The following SLC22A4 variants were observed in gnomAD, a reference collection of about 807,000 sequenced individuals.
The protein encoded by SLC22A4 is solute carrier family 22 member 4.
In SLC22A4, 39 loss-of-function variants were observed where a neutral mutation model predicts 56.6. That is an observed-to-expected ratio of 0.69 (90% CI 0.53 to 0.90). The LOEUF (loss-of-function observed/expected upper bound fraction) is 0.90. Among genes scored for constraint, SLC22A4 ranks in the 40% least tolerant of loss-of-function variants. The pLI, the probability that SLC22A4 is intolerant of heterozygous loss-of-function variation, is 0.00. For missense variants in SLC22A4, 594 were observed against 696.5 expected, an observed-to-expected ratio of 0.85 and a Z score of 1.66; for synonymous variants, 241 against 281.4, an observed-to-expected ratio of 0.86 and a Z score of 1.44.
chr5:132,299,471 G>C (rs1032413525), intron 1 of SLC22A4, among the ~76,000 whole-genome samples: 2 of 151,692 alleles, frequency 1.3e-5, no homozygotes, highest in Non-Finnish European at 2.9e-5. Flanking sequence ...TTGTTGCCCA[G>C]GGTGGAGGAG....
chr5:132,300,052 C>G (rs1749875769), intron 1 of SLC22A4, among the ~76,000 whole-genome samples: 1 of 152,170 alleles, frequency 6.6e-6, no homozygotes, highest in Admixed American at 6.5e-5. Context: ...GTGATTGTTC[C>G]TTAGTCTTTC....
chr5:132,305,123 T>A (rs988781251), intron 1 of SLC22A4, among the ~76,000 whole-genome samples: 1 of 152,052 alleles, frequency 6.6e-6, no homozygotes, highest in African/African-American at 2.4e-5. Context: ...AGTAAAAGTA[T>A]ACAATAATTG....
At chr5:132,328,479 C>A (rs897560441) in intron 5 of SLC22A4, among the ~76,000 whole-genome samples, 2 of 152,158 alleles carry the variant, frequency 1.3e-5, no homozygotes, top group African/African-American at 4.8e-5. Context: ...TGGCCATGAA[C>A]TCAAGCTCTC....
At chr5:132,340,088 T>C in intron 8 of SLC22A4, among the ~76,000 whole-genome samples, 1 of 90,620 alleles carries the variant, frequency 1.1e-5, no homozygotes, top group East Asian at 2.8e-4. Flanking sequence ...TTTTTTTTTT[T>C]TGAGTCTCAT....
At chr5:132,310,887 G>A (rs1396196533) in intron 1 of SLC22A4, among the ~76,000 whole-genome samples, 4 of 152,170 alleles carry the variant, frequency 2.6e-5, no homozygotes, top group Admixed American at 6.5e-5. Flanking sequence ...AGCCAGTTTT[G>A]GAGCCCCGTC....
At chr5:132,324,372 C>T in intron 4 of SLC22A4, 1 of 381,942 alleles carries the variant, frequency 2.6e-6, no homozygotes, top group Non-Finnish European at 5.3e-6. Flanking sequence ...CCTCCAGAGT[C>T]AGCCTCCAGA....
intron 8 of SLC22A4, among the ~76,000 whole-genome samples, chr5:132,339,514 G>A (rs3805678): frequency 0.088 from 11,612 of 132,116 alleles, 569 homozygotes; most frequent in East Asian, 0.32. Context: ...CTGAAAACAT[G>A]TATGAATTCT....
At position 132,334,779 on chromosome 5, in the gene SLC22A4, G is replaced by C; in HGVS notation, c.1108G>C (p.Ala370Pro). Residue 370 changes from alanine to proline, a missense_variant, in exon 7 of 10, where the codon GCC becomes CCC. Ala to Pro is a conservative substitution (Grantham distance 27). Transcript: ENST00000200652. ...SLDAPNLHGD[A>P]YLNCFLSALI... Reference sequence around the variant, plus strand: ...GGATGCTCCTAATTTACATGGAGATGCCTACCTGAACTGTTTCCTCTCTGC... The same window carrying C: ...GGATGCTCCTAATTTACATGGAGATCCCTACCTGAACTGTTTCCTCTCTGC... The C allele has an allele frequency of 3.1e-6, 5 of 1,614,086 alleles. No individual in the cohort carries two copies. The highest frequency in any genetic ancestry group is 4.2e-6 in the Non-Finnish European group (5 of 1,179,948).
chr5:132,313,659 T>C lies in SLC22A4; in HGVS notation c.543T>C (p.Thr181=), dbSNP rs2126712463. 6.2e-7 allele frequency: 1 copy of C among 1,614,216 alleles called. No homozygotes were observed. The highest frequency in any genetic ancestry group is 1.3e-5 in the African/African-American group (1 of 75,074). ...NVLFATMAVQ[T]GFSFLQIFSI... ...TCTTCGCAACCATGGCTGTACAGAC[T>C]GGCTTCAGCTTCCTGCAGATTTTCT... is the stretch of plus-strand genomic sequence containing the variant. The change falls in exon 3 of 10, where the codon ACT becomes ACC. Residue 181 remains threonine, a synonymous_variant. Transcript: ENST00000200652.
At chr5:132,321,571 G>A (rs1750538749) in intron 3 of SLC22A4, among the ~76,000 whole-genome samples, 1 of 152,178 alleles carries the variant, frequency 6.6e-6, no homozygotes, top group Non-Finnish European at 1.5e-5. Context: ...GAAGGGATTA[G>A]CTCTTGGGGC....
intron 1 of SLC22A4, among the ~76,000 whole-genome samples, chr5:132,308,372 ATTTTTTTTTTT>A (rs56259514): frequency 2.1e-4 from 13 of 61,300 alleles, no homozygotes; most frequent in Non-Finnish European, 3.2e-4. Flanking sequence ...TGATTAAGCA[ATTTTTTTTTTT>A]TTTTTTTTTT....
At chr5:132,319,119 T>C (rs1234730825) in intron 3 of SLC22A4, among the ~76,000 whole-genome samples, 4 of 151,938 alleles carry the variant, frequency 2.6e-5, no homozygotes, top group Non-Finnish European at 5.9e-5. Context: ...CTGGCCAACA[T>C]GGCAAAACCC....
intron 8 of SLC22A4, among the ~76,000 whole-genome samples, chr5:132,337,499 A>C (rs1751062339): frequency 1.3e-5 from 2 of 150,112 alleles, no homozygotes; most frequent in African/African-American, 4.9e-5. Context: ...CTGGTTTCGA[A>C]CTCCTGGGCT....
At position 132,334,864 on chromosome 5, in the gene SLC22A4, G is replaced by A. The variant is rs769756304; in HGVS notation, c.1193G>A (p.Arg398His). The A allele has an allele frequency of 2.5e-5, 40 of 1,613,828 alleles. No homozygotes were observed. Among genetic ancestry groups the A allele is most frequent in the South Asian group, 9.9e-5 (9 of 91,086 alleles). The change falls in exon 7 of 10, where the codon CGT becomes CAT. Residue 398 changes from arginine to histidine, a missense_variant. Coordinates refer to ENST00000200652, the MANE Select transcript of SLC22A4 (RefSeq NM_003059.3). Reference protein sequence around the residue: ...AWLLLRTLPRRYIIAAVLFWG... With the variant: ...AWLLLRTLPRHYIIAAVLFWG... Reference sequence around the variant, plus strand: ...CTGCTATTGCGAACCCTGCCCAGGCGTTATATCATAGCTGCAGTACTGTTC... The same window carrying A: ...CTGCTATTGCGAACCCTGCCCAGGCATTATATCATAGCTGCAGTACTGTTC...
At position 132,335,913 on chromosome 5, in the gene SLC22A4, C is replaced by G. The variant is rs772915647; in HGVS notation, c.1357C>G (p.Pro453Ala). 3.7e-6 allele frequency: 6 copies of G among 1,614,130 alleles called. No individual in the cohort carries two copies. Among genetic ancestry groups the G allele is most frequent in the Non-Finnish European group, 5.1e-6 (6 of 1,180,004 alleles). ...MLYVFTAELYPTLVRNMAVGV... is the reference protein window; with the variant it reads ...MLYVFTAELYATLVRNMAVGV... ...GTATGTCTTCACTGCTGAGCTCTAC[C>G]CAACCCTGGTCAGGAACATGGCGGT... Residue 453 changes from proline to alanine, a missense_variant, in exon 8 of 10, where the codon CCA (proline) becomes GCA (alanine). Transcript: ENST00000200652.
rs1554083301 is a variant in SLC22A4 at position 132,327,482 on chromosome 5, G to T, written c.951+79G>T. On this transcript the variant is annotated intron_variant, in intron 5 of 9. Coordinates refer to ENST00000200652, the MANE Select transcript of SLC22A4 (RefSeq NM_003059.3). ...TGGAATTTAACTTAATTCAATATTT[G>T]TTAAGTGCCCACTATGTACCAGGCA... 16 of 1,229,342 alleles carry T rather than the reference G, an allele frequency of 1.3e-5. No individual in the cohort carries two copies. The South Asian group carries it at 1.9e-4, about 15-fold the overall frequency. 76.2% of individuals were successfully genotyped at this position (1,229,342 alleles called of 1,614,324 possible).
chr5:132,311,972 T>C, intron 1 of SLC22A4, 189 bp from the exon 2 acceptor site: 1 of 655,982 alleles, frequency 1.5e-6, no homozygotes, highest in Non-Finnish European at 2.8e-6. Flanking sequence ...CCCAGGTTAC[T>C]CTCCCCAGTC....
intron 7 of SLC22A4, 59 bp from the exon 8 acceptor site, chr5:132,335,759 T>C (rs927155635): frequency 2.9e-6 from 4 of 1,369,370 alleles, no homozygotes; most frequent in Non-Finnish European, 4.2e-6. Context: ...TAAAAATAAC[T>C]GATATAAGAA....
intron 1 of SLC22A4, 122 bp downstream of exon 1, chr5:132,295,131 C>T (rs1480787140): frequency 8.9e-7 from 1 of 1,124,174 alleles, no homozygotes; most frequent in South Asian, 1.3e-5. Flanking sequence ...ACCTGCTGTT[C>T]ATACTTCCAG....
Sources: gnomAD v4.1 joint callset for allele counts (sites outside exome capture counted in the v4.1 genomes callset) on GRCh38, gnomAD v4.1.1 for gene constraint, MANE v1.5 for transcripts, NCBI Gene and HGNC (gene_info 2026-07-23, HGNC 2026-07-21) for gene names.